The following ARID1B variants were observed in gnomAD, a reference collection of about 807,000 sequenced individuals.
ARID1B encodes the protein AT-rich interaction domain 1B.
In ARID1B, 30 loss-of-function variants were observed where a neutral mutation model predicts 212.3. That is an observed-to-expected ratio of 0.14 (90% confidence interval 0.11 to 0.19). The LOEUF (loss-of-function observed/expected upper bound fraction) is 0.19, where lower values mean the gene tolerates loss of function less well. ARID1B is among the 10% of genes least tolerant of loss of function. The pLI, the probability that ARID1B is intolerant of heterozygous loss-of-function variation, is 1.00. For synonymous variants in ARID1B, 1,402 were observed against 1,301.7 expected (o/e 1.08, Z -1.66); for missense variants, 2,891 against 3,204.0 (o/e 0.90, Z 2.36).
At chr6:156,996,616 G>C (rs760630598) in intron 4 of ARID1B, among the ~76,000 whole-genome samples, 1 of 152,176 alleles carries the variant, frequency 6.6e-6, no homozygotes, top group Non-Finnish European at 1.5e-5. Context: ...GAGTACTTTA[G>C]AGACAGAGGG....
chr6:156,887,439 A>G (rs775316897), intron 2 of ARID1B, among the ~76,000 whole-genome samples: 6 of 152,220 alleles, frequency 3.9e-5, no homozygotes, highest in Non-Finnish European at 7.3e-5. Context: ...CACCATATAC[A>G]TCATTTAAAT....
intron 2 of ARID1B, among the ~76,000 whole-genome samples, chr6:156,872,562 CCG>C (rs1172358069): frequency 2.0e-5 from 3 of 152,272 alleles, no homozygotes; most frequent in South Asian, 2.1e-4. Flanking sequence ...CTCAGGTGAT[CCG>C]CGCGCCTCAG....
chr6:156,833,134 A>G (rs984636515), intron 2 of ARID1B, among the ~76,000 whole-genome samples: 2 of 152,082 alleles, frequency 1.3e-5, no homozygotes, highest in Non-Finnish European at 1.5e-5. Flanking sequence ...ACAGAAGTAC[A>G]TTGGTTGATT....
At chr6:157,070,553 G>A (rs1783950112) in intron 4 of ARID1B, among the ~76,000 whole-genome samples, 1 of 152,136 alleles carries the variant, frequency 6.6e-6, no homozygotes, top group African/African-American at 2.4e-5. Context: ...ATCGTTTCCT[G>A]CCCAGATATA....
intron 4 of ARID1B, among the ~76,000 whole-genome samples, chr6:157,007,941 G>C (rs1262974696): frequency 1.3e-5 from 2 of 151,912 alleles, no homozygotes; most frequent in Non-Finnish European, 2.9e-5. Context: ...CTCCCAAAGT[G>C]CTGGGATTGC....
chr6:156,999,053 A>G (rs1313965893), intron 4 of ARID1B, among the ~76,000 whole-genome samples: 2 of 152,298 alleles, frequency 1.3e-5, no homozygotes, highest in African/African-American at 4.8e-5. Context: ...TTCATGTGAC[A>G]TGTCCTCAAA....
rs1447055386 is a variant in ARID1B at position 157,133,185 on chromosome 6, G to A, written c.2739G>A (p.Gln913=). The A allele has an allele frequency of 2.5e-6, 4 of 1,612,516 alleles. No homozygotes were observed. In the East Asian group the frequency reaches 8.9e-5, roughly 36 times the overall value. ...ACTCAAGTGGGACTTACGGTCCACA[G>A]ATGAGCCAGTATGGACCACAAGGTA... ...QSNSSGTYGP[Q]MSQYGPQGNY... The change falls in exon 7 of 20, where the codon CAG becomes CAA. Residue 913 remains glutamine, a synonymous_variant. Transcript: ENST00000636930.
chr6:156,984,092 G>T (rs1015151116), intron 4 of ARID1B, among the ~76,000 whole-genome samples: 1 of 152,056 alleles, frequency 6.6e-6, no homozygotes, highest in Middle Eastern at 3.2e-3. Flanking sequence ...GTTCTGGCTG[G>T]GTTTCTTGCA....
At chr6:156,864,525 G>T (rs1205577739) in intron 2 of ARID1B, among the ~76,000 whole-genome samples, 1 of 152,134 alleles carries the variant, frequency 6.6e-6, no homozygotes, top group African/African-American at 2.4e-5. Flanking sequence ...TGTGTAAATG[G>T]TTTACAGAGT....
intron 4 of ARID1B, among the ~76,000 whole-genome samples, chr6:157,009,431 G>A (rs1779433218): frequency 6.6e-6 from 1 of 152,288 alleles, no homozygotes; most frequent in Middle Eastern, 3.4e-3. Flanking sequence ...GGAAAAGTTG[G>A]CCCTAAACTA....
At chr6:157,105,328 T>TA (rs200135762) in intron 5 of ARID1B, among the ~76,000 whole-genome samples, 5 of 151,766 alleles carry the variant, frequency 3.3e-5, no homozygotes, top group Non-Finnish European at 7.4e-5. Flanking sequence ...TTGACAACAT[T>TA]AAAAAAAATT....
In ARID1B at chr6:157,190,230, C is replaced by T. The variant is rs1793263768; in HGVS notation, c.4231+20C>T. Reference sequence around the variant, plus strand: ...GAAAAGGTACGTGTAGAGGGGCCTCCACCCGGCCATGGACCAGTGGGCATT... The same window carrying T: ...GAAAAGGTACGTGTAGAGGGGCCTCTACCCGGCCATGGACCAGTGGGCATT... On this transcript the variant is annotated intron_variant, in intron 15 of 19. Coordinates refer to ENST00000636930, the MANE Select transcript of ARID1B (RefSeq NM_001374828.1). The surrounding 1 kb of genome is among the most constrained non-coding windows in gnomAD (Gnocchi z 4.6). The T allele has an allele frequency of 6.3e-7, 1 of 1,594,584 alleles. No individual in the cohort carries two copies. The highest frequency in any genetic ancestry group is 8.5e-7 in the Non-Finnish European group (1 of 1,173,742).
intron 4 of ARID1B, chr6:156,938,051 G>C (rs1333766985): frequency 3.3e-5 from 5 of 151,918 alleles, no homozygotes; most frequent in Admixed American, 3.3e-4. Context: ...AAGATAACCT[G>C]CTACACCTAA....
chr6:156,982,107 A>T (rs1777642799), intron 4 of ARID1B, among the ~76,000 whole-genome samples: 1 of 151,824 alleles, frequency 6.6e-6, no homozygotes, highest in Admixed American at 6.6e-5. Context: ...TTGACTGCGC[A>T]CATCTTTCAG....
intron 1 of ARID1B, among the ~76,000 whole-genome samples, chr6:156,794,140 AG>A (rs1476570663): frequency 6.6e-6 from 1 of 152,226 alleles, no homozygotes; most frequent in Non-Finnish European, 1.5e-5. Context: ...GTGGCCTGGA[AG>A]CCCACCTTTC....
In ARID1B at chr6:157,001,671, CAG is replaced by C. The variant is rs200182256; in HGVS notation, c.2247+66097_2247+66098del. 9.7e-3 allele frequency among the ~76,000 whole-genome samples: 1,471 copies of C among 152,302 alleles called. 30 individuals are homozygous for C. The highest frequency in any genetic ancestry group is 0.034 in the African/African-American group (1,408 of 41,564). On this transcript the variant is annotated intron_variant, in intron 4 of 19. Coordinates refer to ENST00000636930, the MANE Select transcript of ARID1B (RefSeq NM_001374828.1). Reference sequence around the variant, plus strand: ...GGGTTTTTATTTATATTGACAAAAACAGAAAACAAAATGAGAAAGTGGAAGTT... The same window carrying C: ...GGGTTTTTATTTATATTGACAAAAACAAAACAAAATGAGAAAGTGGAAGTT...
At chr6:156,817,035 C>T (rs983087570) in intron 1 of ARID1B, among the ~76,000 whole-genome samples, 7 of 150,562 alleles carry the variant, frequency 4.6e-5, no homozygotes, top group African/African-American at 1.7e-4. Context: ...CTAGAATTAT[C>T]GCACGTTAGA....
At chr6:157,093,396 G>A (rs117756303) in intron 5 of ARID1B, among the ~76,000 whole-genome samples, 3,803 of 152,238 alleles carry the variant, frequency 0.025, 79 homozygotes, top group Non-Finnish European at 0.041. Flanking sequence ...GATTATAGCC[G>A]TTAAGACTCT....
chr6:157,113,958 G>A (rs184459211), intron 6 of ARID1B, among the ~76,000 whole-genome samples: 1 of 152,170 alleles, frequency 6.6e-6, no homozygotes, highest in Non-Finnish European at 1.5e-5. Context: ...ACCTGATCAG[G>A]TGTCTAAATG....
Sources: gnomAD v4.1 joint callset for allele counts (sites outside exome capture counted in the v4.1 genomes callset) on GRCh38, gnomAD v4.1.1 for gene constraint, Gnocchi (gnomAD v3.1) non-coding constraint, MANE v1.5 for transcripts, NCBI Gene and HGNC (gene_info 2026-07-23, HGNC 2026-07-21) for gene names.